The following CPEB3 variants were observed in gnomAD, a reference collection of about 807,000 sequenced individuals.
The protein encoded by CPEB3 is cytoplasmic polyadenylation element-binding protein 3.
In CPEB3, 20 loss-of-function variants were observed where a neutral mutation model predicts 67.2. That is an observed-to-expected ratio of 0.30 (90% CI 0.21 to 0.43). The LOEUF (loss-of-function observed/expected upper bound fraction) is 0.43. Ranked by LOEUF, CPEB3 falls within the 20% of genes least tolerant of loss-of-function variation. The pLI is 1.00. For missense variants in CPEB3, 746 were observed against 968.6 expected (o/e 0.77, Z 3.05); for synonymous variants, 376 against 393.1 (o/e 0.96, Z 0.51).
At chr10:92,170,658 AAAGG>A (rs926536041) in intron 4 of CPEB3, among the ~76,000 whole-genome samples, 12 of 152,154 alleles carry the variant, frequency 7.9e-5, no homozygotes, top group Non-Finnish European at 1.3e-4. Flanking sequence ...ATGGAGAATG[AAAGG>A]AAGGAAGGGA....
intron 1 of CPEB3, among the ~76,000 whole-genome samples, chr10:92,253,152 G>T (rs11186875): frequency 0.22 from 33,769 of 151,958 alleles, 4,712 homozygotes; most frequent in Middle Eastern, 0.34. Flanking sequence ...GTTGAACTGG[G>T]TGTTCACTTT....
At chr10:92,065,579 G>A (rs915503014) in intron 9 of CPEB3, among the ~76,000 whole-genome samples, 2 of 152,032 alleles carry the variant, frequency 1.3e-5, no homozygotes, top group East Asian at 1.9e-4. Flanking sequence ...TTCAACCCCA[G>A]GAAAATTTCA....
At chr10:92,130,908 T>C (rs1373791819) in intron 6 of CPEB3, among the ~76,000 whole-genome samples, 1 of 152,188 alleles carries the variant, frequency 6.6e-6, no homozygotes, top group Non-Finnish European at 1.5e-5. Flanking sequence ...AAACTTTACC[T>C]AATGGCCAAT....
intron 2 of CPEB3, among the ~76,000 whole-genome samples, chr10:92,195,735 T>G (rs1262010052): frequency 1.3e-5 from 2 of 152,208 alleles, no homozygotes; most frequent in African/African-American, 4.8e-5. Flanking sequence ...GGACAGTTTA[T>G]TTTTTCATTT....
At chr10:92,193,805 TC>T (rs1389844293) in intron 2 of CPEB3, among the ~76,000 whole-genome samples, 2 of 151,700 alleles carry the variant, frequency 1.3e-5, no homozygotes, top group Admixed American at 1.3e-4. Context: ...TTTTTTTTTT[TC>T]TTTTTTTTAA....
chr10:92,061,483 T>C (rs1489384973), intron 9 of CPEB3, among the ~76,000 whole-genome samples: 1 of 143,392 alleles, frequency 7.0e-6, no homozygotes, highest in Non-Finnish European at 1.5e-5. Context: ...ATATACACAA[T>C]GGAGTTCCAT....
chr10:92,067,227 G>T (rs948690291), intron 9 of CPEB3, among the ~76,000 whole-genome samples: 3 of 152,104 alleles, frequency 2.0e-5, no homozygotes, highest in Non-Finnish European at 4.4e-5. Flanking sequence ...GTGGCCAGGC[G>T]CAGTGGCACA....
intron 6 of CPEB3, among the ~76,000 whole-genome samples, chr10:92,121,531 T>C (rs1018201580): frequency 6.6e-6 from 1 of 151,540 alleles, no homozygotes; most frequent in Non-Finnish European, 1.5e-5. Context: ...TGACTTTTTT[T>C]AAATAAAAAT....
rs116209096 is a variant in CPEB3 at position 92,204,255 on chromosome 10, C to G, written c.1006-11619G>C. ...GCAGAATTCGCAGATTCACCAGAAT[C>G]TGACAGGGGCTGCGACGTGAACGCT... On this transcript the variant is annotated intron_variant, in intron 2 of 9. Transcript: ENST00000265997. 390 of 152,116 alleles carry G rather than the reference C, an allele frequency of 2.6e-3. 3 individuals carry two copies. Among genetic ancestry groups the G allele is most frequent in the African/African-American group, 9.0e-3 (372 of 41,354 alleles). 9.4% of individuals were successfully genotyped at this position (152,116 alleles called of 1,614,324 possible).
intron 2 of CPEB3, among the ~76,000 whole-genome samples, chr10:92,207,708 A>G (rs1849859941): frequency 6.6e-6 from 1 of 152,148 alleles, no homozygotes; most frequent in South Asian, 2.1e-4. Flanking sequence ...CATCTCTACT[A>G]AAAATACAAA....
intron 9 of CPEB3, among the ~76,000 whole-genome samples, chr10:92,052,772 G>A (rs1307512452): frequency 6.6e-6 from 1 of 152,152 alleles, no homozygotes; most frequent in East Asian, 1.9e-4. Context: ...TACATCAAAG[G>A]GTGCTGGGGA....
chr10:92,143,514 A>C (rs1846536914), intron 5 of CPEB3, among the ~76,000 whole-genome samples: 1 of 152,210 alleles, frequency 6.6e-6, no homozygotes, highest in African/African-American at 2.4e-5. Context: ...ACTTGTAGGA[A>C]CCTCTAAGAT....
intron 6 of CPEB3, among the ~76,000 whole-genome samples, chr10:92,127,400 G>C (rs1272260847): frequency 6.6e-6 from 1 of 152,160 alleles, no homozygotes; most frequent in Non-Finnish European, 1.5e-5. Context: ...GGAAGGCCTG[G>C]TGTGGTGGCT....
At position 92,258,625 on chromosome 10, in the gene CPEB3, A is replaced by AAT. The variant is rs56316802; in HGVS notation, c.-11-18266_-11-18265dup. ...TTCCAGACTTCAATTATATTTTTTG[A>AAT]ATATATATATATATATATATATATA... On this transcript the variant is annotated intron_variant, in intron 1 of 9. Coordinates refer to ENST00000265997, the MANE Select transcript of CPEB3 (RefSeq NM_014912.5). 7.6e-3 allele frequency among the ~76,000 whole-genome samples: 249 copies of AAT among 32,610 alleles called. 1 individual carries two copies. Among genetic ancestry groups the AAT allele is most frequent in the East Asian group, 0.016 (10 of 626 alleles). The allele number at this position is 32,610 out of a possible 152,430, so 21.4% of individuals were successfully genotyped here. A position where few individuals can be genotyped will look rare whatever the true frequency, so the allele number is the denominator to read the frequency against.
chr10:92,245,096 T>C (rs553800095), intron 1 of CPEB3, among the ~76,000 whole-genome samples: 10 of 152,130 alleles, frequency 6.6e-5, no homozygotes, highest in Admixed American at 1.3e-4. Context: ...TTGTTTCTAG[T>C]TATTTCTTAA....
At chr10:92,169,536 G>A (rs1847909477) in intron 4 of CPEB3, among the ~76,000 whole-genome samples, 1 of 152,212 alleles carries the variant, frequency 6.6e-6, no homozygotes, top group Non-Finnish European at 1.5e-5. Context: ...GGCTGTTCAA[G>A]TTCAAGCATG....
intron 9 of CPEB3, among the ~76,000 whole-genome samples, chr10:92,078,765 A>C (rs889553003): frequency 1.3e-5 from 2 of 152,032 alleles, no homozygotes; most frequent in Non-Finnish European, 2.9e-5. Context: ...CTCCTTTTTA[A>C]CTTAGTTCTA....
chr10:92,074,092 C>CTT (rs1842853542), intron 9 of CPEB3, among the ~76,000 whole-genome samples: 1 of 136,996 alleles, frequency 7.3e-6, no homozygotes, highest in Non-Finnish European at 1.7e-5. Flanking sequence ...CTCTTTTTAA[C>CTT]TATTTTTTTT....
At chr10:92,131,941 T>A (rs1482161648) in intron 6 of CPEB3, among the ~76,000 whole-genome samples, 1 of 152,142 alleles carries the variant, frequency 6.6e-6, no homozygotes, top group East Asian at 1.9e-4. Context: ...GTAATTAAAA[T>A]TTTTCCAGTA....
Sources: gnomAD v4.1 joint callset for allele counts (sites outside exome capture counted in the v4.1 genomes callset) on GRCh38, gnomAD v4.1.1 for gene constraint, MANE v1.5 for transcripts, NCBI Gene and HGNC (gene_info 2026-07-23, HGNC 2026-07-21) for gene names.